The following WARS2 variants were observed in gnomAD, a reference collection of about 807,000 sequenced individuals.
WARS2 encodes the protein tryptophanyl tRNA synthetase 2, mitochondrial.
WARS2 carries 28 observed loss-of-function variants against 36.5 expected under a neutral mutation model. That is an observed-to-expected ratio of 0.77 (90% CI 0.57 to 1.05). The LOEUF is 1.05. Ranked by LOEUF, WARS2 falls within the 50% of genes least tolerant of loss-of-function variation. The probability of loss-of-function intolerance (pLI) is 0.00; values close to 1 mark genes in which losing one functional copy is unlikely to be tolerated. For missense variants in WARS2, 435 were observed against 456.8 expected, an observed-to-expected ratio of 0.95 and a Z score of 0.44; for synonymous variants, 174 against 178.4, an observed-to-expected ratio of 0.98 and a Z score of 0.20.
At chr1:119,066,313 C>CT (rs1362780441) in intron 2 of WARS2, among the ~76,000 whole-genome samples, 2 of 151,664 alleles carry the variant, frequency 1.3e-5, no homozygotes, top group Non-Finnish European at 2.9e-5. Context: ...CCCGTCTTTA[C>CT]TAAAAATACA....
chr1:119,131,471 T>TG (rs953465313), intron 1 of WARS2, among the ~76,000 whole-genome samples: 15 of 150,162 alleles, frequency 1.0e-4, no homozygotes, highest in African/African-American at 3.7e-4. Flanking sequence ...TTTTGTTTTT[T>TG]TTTTTTTTGA....
chr1:119,137,531 C>T (rs1656597695), intron 1 of WARS2, among the ~76,000 whole-genome samples: 2 of 152,256 alleles, frequency 1.3e-5, no homozygotes, highest in Admixed American at 6.5e-5. Context: ...CAAAAATCTA[C>T]TAACCATCAA....
intron 1 of WARS2, among the ~76,000 whole-genome samples, chr1:119,086,357 T>C (rs1438462698): frequency 6.6e-6 from 1 of 152,254 alleles, no homozygotes; most frequent in East Asian, 1.9e-4. Context: ...AGCTGAGATA[T>C]GTGGCTATCC....
chr1:119,092,208 A>G (rs1224589906), intron 1 of WARS2, among the ~76,000 whole-genome samples: 1 of 152,190 alleles, frequency 6.6e-6, no homozygotes, highest in East Asian at 1.9e-4. Context: ...CAAAGTTCCA[A>G]GTAAGATAGT....
At chr1:119,057,197 A>T (rs1649891818) in intron 2 of WARS2, among the ~76,000 whole-genome samples, 1 of 151,790 alleles carries the variant, frequency 6.6e-6, no homozygotes, top group African/African-American at 2.4e-5. Flanking sequence ...CCCAGGCTGG[A>T]GTCAGTGGCA....
intron 1 of WARS2, among the ~76,000 whole-genome samples, chr1:119,077,339 A>C (rs1467708040): frequency 2.0e-5 from 3 of 152,176 alleles, no homozygotes; most frequent in African/African-American, 7.2e-5. Context: ...GGAAGCCTTC[A>C]GACATAGAAT....
chr1:119,056,524 GACTAAATATATAATATATATATAT>G (rs1649826989), intron 2 of WARS2, among the ~76,000 whole-genome samples: 1 of 137,792 alleles, frequency 7.3e-6, no homozygotes. Flanking sequence ...TTAGACTATA[GACTAAATATATAATATATATATAT>G]ACTAAATATA....
At chr1:119,102,653 A>G (rs1557981730) in intron 1 of WARS2, among the ~76,000 whole-genome samples, 1 of 151,606 alleles carries the variant, frequency 6.6e-6, no homozygotes, top group Non-Finnish European at 1.5e-5. Context: ...TCCCTTTCCT[A>G]CTCTTCCCAA....
intron 2 of WARS2, among the ~76,000 whole-genome samples, chr1:119,061,577 T>A (rs1650385427): frequency 6.6e-6 from 1 of 152,136 alleles, no homozygotes; most frequent in Non-Finnish European, 1.5e-5. Context: ...ATATTTAGGA[T>A]CAGGAAGTTG....
chr1:119,086,052 G>T (rs1487761589), intron 1 of WARS2: 8 of 1,300,262 alleles, frequency 6.2e-6, no homozygotes, highest in Non-Finnish European at 7.4e-6. Flanking sequence ...TAGAGGCAAG[G>T]TCTTGCTATC....
chr1:119,087,275 T>A lies in WARS2; in HGVS notation c.91-10668A>T, dbSNP rs190456238. On this transcript the variant is annotated intron_variant, in intron 1 of 5. Transcript: ENST00000235521. ...ACCCAGTAAATAGCACAGTGCCAGG[T>A]ATGTTGTGGTCCCCTTATAAATGTT... 4.9e-4 allele frequency among the ~76,000 whole-genome samples: 74 copies of A among 152,270 alleles called. 1 individual carries two copies. The highest frequency in any genetic ancestry group is 3.4e-3 in the Middle Eastern group (1 of 294).
chr1:119,139,526 G>A (rs1249302755), intron 1 of WARS2: 1 of 152,176 alleles, frequency 6.6e-6, no homozygotes, highest in Non-Finnish European at 1.5e-5. Context: ...AAAAAAAGAA[G>A]AAAAGTCCCA....
intron 1 of WARS2, among the ~76,000 whole-genome samples, chr1:119,113,393 A>G (rs1276722036): frequency 1.3e-5 from 2 of 152,112 alleles, no homozygotes; most frequent in Admixed American, 6.5e-5. Context: ...CATTTTACCT[A>G]AGGGCAAAGA....
intron 4 of WARS2, among the ~76,000 whole-genome samples, chr1:119,040,587 C>G (rs1022973329): frequency 6.6e-6 from 1 of 152,200 alleles, no homozygotes; most frequent in African/African-American, 2.4e-5. Flanking sequence ...GTTGGAACTT[C>G]AGGCATGCAA....
chr1:119,134,102 G>A (rs1266618719), intron 1 of WARS2, among the ~76,000 whole-genome samples: 1 of 151,662 alleles, frequency 6.6e-6, no homozygotes, highest in Non-Finnish European at 1.5e-5. Flanking sequence ...TCAAGAAAAT[G>A]GGATAATAAG....
chr1:119,052,244 C>T (rs200728502), intron 2 of WARS2, among the ~76,000 whole-genome samples: 1 of 152,072 alleles, frequency 6.6e-6, no homozygotes. Context: ...ATCTCTGTGT[C>T]CCTTAAGATT....
At chr1:119,060,333 T>A (rs893647673) in intron 2 of WARS2, among the ~76,000 whole-genome samples, 1 of 152,190 alleles carries the variant, frequency 6.6e-6, no homozygotes, top group Non-Finnish European at 1.5e-5. Flanking sequence ...CTTCCTGGCT[T>A]ACTGATGGCT....
In WARS2 at chr1:119,076,453, G is replaced by A; in HGVS notation, c.245C>T (p.Pro82Leu). 6.2e-7 allele frequency: 1 copy of A among 1,614,150 alleles called. No homozygotes were observed. Among genetic ancestry groups the A allele is most frequent in the South Asian group, 1.1e-5 (1 of 91,076 alleles). The stretch of plus-strand genomic sequence containing the variant: ...CTGCCGAAGGACAGCTGGGTCTTGG[G>A]GGACAGTAATGGAGTGGAGGTCAAC... ...SIVDLHSITV[P>L]QDPAVLRQSI... The change falls in exon 2 of 6, where the codon CCC (proline) becomes CTC (leucine). Residue 82 changes from proline to leucine, a missense_variant. Transcript: ENST00000235521.
chr1:119,116,575 AG>A, intron 1 of WARS2, among the ~76,000 whole-genome samples: 1 of 152,190 alleles, frequency 6.6e-6, no homozygotes, highest in Non-Finnish European at 1.5e-5. Flanking sequence ...AAAGTGTGAA[AG>A]GGGGAAAAAG....
Sources: allele counts gnomAD v4.1 joint callset (sites outside exome capture counted in the v4.1 genomes callset), GRCh38; gene constraint gnomAD v4.1.1; transcripts MANE v1.5; gene names NCBI Gene and HGNC (gene_info 2026-07-23, HGNC 2026-07-21).